VPS41: variants seen among roughly 807,000 people sequenced by gnomAD.
The protein encoded by VPS41 is vacuolar protein sorting-associated protein 41 homolog.
VPS41 carries 85 observed loss-of-function variants against 130.9 expected under a neutral mutation model. The observed-to-expected ratio is 0.65, with a 90% CI of 0.55 to 0.78. The LOEUF is 0.78. Ranked by LOEUF, VPS41 falls within the 30% of genes least tolerant of loss-of-function variation. The pLI is 0.00. For missense variants in VPS41, 874 were observed against 1,018.7 expected (o/e 0.86, Z 1.93); for synonymous variants, 335 against 332.9 (o/e 1.01, Z -0.07).
At chr7:38,887,959 C>A (rs1232547763) in intron 2 of VPS41, among the ~76,000 whole-genome samples, 3 of 152,192 alleles carry the variant, frequency 2.0e-5, no homozygotes, top group African/African-American at 4.8e-5. Context: ...AAATAAAATT[C>A]TTTACAGACA....
At chr7:38,870,823 T>TAA (rs11355704) in intron 2 of VPS41, among the ~76,000 whole-genome samples, 24 of 96,342 alleles carry the variant, frequency 2.5e-4, no homozygotes, top group South Asian at 1.7e-3. Context: ...TCTAATCTGT[T>TAA]AAAAAAAAAA....
intron 11 of VPS41, 120 bp from the exon 12 acceptor site, chr7:38,774,364 A>T: frequency 4.6e-6 from 4 of 869,816 alleles, no homozygotes; most frequent in South Asian, 3.6e-5. Flanking sequence ...AATACCCAAG[A>T]CTGGGTAATT....
At chr7:38,848,424 C>A (rs1785774451) in intron 4 of VPS41, among the ~76,000 whole-genome samples, 1 of 152,070 alleles carries the variant, frequency 6.6e-6, no homozygotes, top group Non-Finnish European at 1.5e-5. Context: ...TTCTTCCCTA[C>A]CTCCCTTTCA....
At chr7:38,855,138 CGGCGG>C (rs1785953818) in intron 4 of VPS41, among the ~76,000 whole-genome samples, 2 of 134,318 alleles carry the variant, frequency 1.5e-5, no homozygotes, top group Non-Finnish European at 3.1e-5. Flanking sequence ...TGAACCTGGG[CGGCGG>C]AGGTTGCAGT....
chr7:38,826,043 C>CA, intron 5 of VPS41, among the ~76,000 whole-genome samples: 1 of 152,262 alleles, frequency 6.6e-6, no homozygotes, highest in Admixed American at 6.5e-5. Context: ...ATTATACCTC[C>CA]AGTGGTAGCT....
In VPS41 at chr7:38,863,465, T is replaced by C. The variant is rs148745223; in HGVS notation, c.169-843A>G. Among the ~76,000 whole-genome samples, 3 of 152,270 alleles carry C rather than the reference T, an allele frequency of 2.0e-5. No homozygotes were observed. The East Asian group carries it at 5.8e-4, about 29-fold the overall frequency. On this transcript the variant is annotated intron_variant, in intron 3 of 28. Transcript: ENST00000310301. Reference sequence around the variant, plus strand: ...GCTCAAATTTACAGGCACTACTAAGTGTTTCAGTCAAGCAGCACAATCTTT... The same window carrying C: ...GCTCAAATTTACAGGCACTACTAAGCGTTTCAGTCAAGCAGCACAATCTTT...
At chr7:38,837,754 T>C (rs944015201) in intron 4 of VPS41, among the ~76,000 whole-genome samples, 4 of 152,238 alleles carry the variant, frequency 2.6e-5, no homozygotes, top group African/African-American at 9.6e-5. Context: ...TATTTGTATA[T>C]CACCTATGTG....
intron 11 of VPS41, among the ~76,000 whole-genome samples, chr7:38,775,909 T>C (rs973627099): frequency 3.9e-5 from 6 of 152,156 alleles, no homozygotes; most frequent in Admixed American, 1.3e-4. Flanking sequence ...CAATTTCTTC[T>C]ATATACAGCA....
intron 3 of VPS41, among the ~76,000 whole-genome samples, chr7:38,865,208 T>A (rs1259068882): frequency 1.3e-5 from 2 of 152,152 alleles, no homozygotes; most frequent in Admixed American, 6.5e-5. Context: ...AGAATTAGGA[T>A]CAGAATTAAA....
chr7:38,755,430 G>C (rs550296793), intron 19 of VPS41, among the ~76,000 whole-genome samples: 1 of 152,156 alleles, frequency 6.6e-6, no homozygotes, highest in African/African-American at 2.4e-5. Context: ...TGAGATACCT[G>C]AAGTTTCATA....
intron 7 of VPS41, among the ~76,000 whole-genome samples, chr7:38,808,784 C>A (rs1784884962): frequency 6.6e-6 from 1 of 152,090 alleles, no homozygotes; most frequent in Admixed American, 6.5e-5. Flanking sequence ...CCACCAAAAC[C>A]CCAGCTCCAA....
At chr7:38,898,041 GAAC>G (rs368488995) in intron 2 of VPS41, 47 bp downstream of exon 2, 2 of 1,570,354 alleles carry the variant, frequency 1.3e-6, no homozygotes, top group African/African-American at 2.7e-5. Context: ...CAACTCAAGA[GAAC>G]AACGTGGTGA....
At chr7:38,768,903 T>C (rs1784102160) in intron 14 of VPS41, among the ~76,000 whole-genome samples, 1 of 152,080 alleles carries the variant, frequency 6.6e-6, no homozygotes, top group Non-Finnish European at 1.5e-5. Flanking sequence ...ACCCAAAAAC[T>C]ACCATCATCC....
chr7:38,745,263 A>G (rs970095962), intron 23 of VPS41, among the ~76,000 whole-genome samples: 2 of 152,234 alleles, frequency 1.3e-5, no homozygotes, highest in African/African-American at 4.8e-5. Context: ...ATAATTTTTT[A>G]GAAAATGAAA....
intron 4 of VPS41, among the ~76,000 whole-genome samples, chr7:38,849,187 T>G (rs1431101329): frequency 1.3e-5 from 2 of 152,172 alleles, no homozygotes; most frequent in African/African-American, 2.4e-5. Flanking sequence ...GGCTCACTTC[T>G]TCGGTGCCCT....
At chr7:38,859,244 T>A (rs2116297599) in intron 4 of VPS41, among the ~76,000 whole-genome samples, 1 of 152,332 alleles carries the variant, frequency 6.6e-6, no homozygotes, top group African/African-American at 2.4e-5. Context: ...ATTAAAAAGT[T>A]TATAAAGTAA....
chr7:38,905,439 T>C (rs201341854), intron 1 of VPS41, among the ~76,000 whole-genome samples: 1 of 152,238 alleles, frequency 6.6e-6, no homozygotes, highest in East Asian at 1.9e-4. Context: ...GTAGTTACTT[T>C]TGACAACTAC....
In VPS41 at chr7:38,794,434, T is replaced by C. The variant is rs146438739; in HGVS notation, c.717+1031A>G. ...ATCATTACATTAATAATTTTCCACTTTCCCTTTCCAGAGAAGAGTACATTT... is the reference window on the plus strand; with the variant it reads ...ATCATTACATTAATAATTTTCCACTCTCCCTTTCCAGAGAAGAGTACATTT... On this transcript the variant is annotated intron_variant, in intron 9 of 28. Coordinates refer to ENST00000310301, the MANE Select transcript of VPS41 (RefSeq NM_014396.4). Among the ~76,000 whole-genome samples, 743 of 152,332 alleles carry C rather than the reference T, an allele frequency of 4.9e-3. 7 individuals carry two copies. The highest frequency in any genetic ancestry group is 0.017 in the African/African-American group (706 of 41,578).
chr7:38,767,677 A>G (rs1784075561), intron 14 of VPS41, 79 bp from the exon 15 acceptor site: 1 of 1,017,756 alleles, frequency 9.8e-7, no homozygotes, highest in African/African-American at 1.6e-5. Flanking sequence ...TGCACAGGGC[A>G]TAACATTAGG....
Sources: gnomAD v4.1 joint callset for allele counts (sites outside exome capture counted in the v4.1 genomes callset) on GRCh38, gnomAD v4.1.1 for gene constraint, MANE v1.5 for transcripts, NCBI Gene and HGNC (gene_info 2026-07-23, HGNC 2026-07-21) for gene names.